The following NCKAP5 variants were observed in gnomAD, a reference collection of about 807,000 sequenced individuals.
NCKAP5 encodes NCK associated protein 5, also known as nck-associated protein 5.
Under a neutral mutation model 167.0 loss-of-function variants are expected in NCKAP5, and 92 were observed. The observed-to-expected ratio is 0.55, with a 90% CI of 0.47 to 0.66. The LOEUF (loss-of-function observed/expected upper bound fraction) is 0.66, where lower values mean the gene tolerates loss of function less well. Ranked by LOEUF, NCKAP5 falls within the 30% of genes least tolerant of loss-of-function variation. The probability of loss-of-function intolerance (pLI) is 0.00; values close to 1 mark genes in which losing one functional copy is unlikely to be tolerated. For missense variants in NCKAP5, 2,378 were observed against 2,315.0 expected (o/e 1.03, Z -0.56); for synonymous variants, 891 against 877.4 (o/e 1.02, Z -0.27).
At position 133,457,481 on chromosome 2, in the gene NCKAP5, A is replaced by G. The variant is rs149478513; in HGVS notation, c.69+59977T>C. ...ATGGCAATGCAGCCTTAATCTGCAT[A>G]TTTCAAAATAGGATGCTTTTAAAAG... On this transcript the variant is annotated intron_variant, in intron 3 of 19. Transcript: ENST00000409261. 2.0e-3 allele frequency among the ~76,000 whole-genome samples: 310 copies of G among 152,300 alleles called. 3 individuals are homozygous for G. The highest frequency in any genetic ancestry group is 4.6e-3 in the South Asian group (22 of 4,818).
chr2:133,495,240 C>T (rs1482450464), intron 3 of NCKAP5, among the ~76,000 whole-genome samples: 1 of 152,096 alleles, frequency 6.6e-6, no homozygotes, highest in Non-Finnish European at 1.5e-5. Context: ...ACCATTTGGG[C>T]CCATGTTCTC....
At chr2:133,263,567 C>G (rs960056611) in intron 4 of NCKAP5, among the ~76,000 whole-genome samples, 1 of 152,026 alleles carries the variant, frequency 6.6e-6, no homozygotes, top group African/African-American at 2.4e-5. Context: ...AAATTTATGA[C>G]TATCAGCTAG....
chr2:133,401,151 C>G (rs1688071427), intron 3 of NCKAP5, among the ~76,000 whole-genome samples: 1 of 152,112 alleles, frequency 6.6e-6, no homozygotes, highest in Non-Finnish European at 1.5e-5. Flanking sequence ...AACAGAACGT[C>G]CACAAAAAAT....
intron 4 of NCKAP5, among the ~76,000 whole-genome samples, chr2:133,246,549 A>G (rs1333646512): frequency 6.6e-6 from 1 of 152,206 alleles, no homozygotes; most frequent in Non-Finnish European, 1.5e-5. Context: ...TGGGTAAGAC[A>G]TGGTGTGGGC....
intron 5 of NCKAP5, among the ~76,000 whole-genome samples, chr2:133,160,829 T>G (rs1268069117): frequency 6.6e-6 from 1 of 152,166 alleles, no homozygotes; most frequent in Non-Finnish European, 1.5e-5. Context: ...TGATAATCTA[T>G]TTCTAGGGAG....
intron 2 of NCKAP5, among the ~76,000 whole-genome samples, chr2:133,549,769 G>A (rs1308995019): frequency 1.3e-5 from 2 of 149,302 alleles, no homozygotes; most frequent in Non-Finnish European, 3.0e-5. Flanking sequence ...AGGAAATAGA[G>A]ACACAAAAAA....
chr2:133,295,685 G>C (rs1679910334), intron 4 of NCKAP5, among the ~76,000 whole-genome samples: 1 of 152,122 alleles, frequency 6.6e-6, no homozygotes, highest in African/African-American at 2.4e-5. Context: ...GGATACTACT[G>C]GCAGGTGGTG....
At chr2:133,269,539 C>G (rs568333829) in intron 4 of NCKAP5, among the ~76,000 whole-genome samples, 12 of 152,260 alleles carry the variant, frequency 7.9e-5, no homozygotes, top group African/African-American at 2.9e-4. Context: ...AATATGATTG[C>G]ACCTGGCAAG....
In NCKAP5 at chr2:132,785,992, C is replaced by T. The variant is rs181408043; in HGVS notation, c.1093-274G>A. ...ATCCCAGTGGGGAGAGGAGAATTGG[C>T]CACAACTAACTGTATGTCAAGGGAG... On this transcript the variant is annotated intron_variant, in intron 13 of 19. Coordinates refer to ENST00000409261, the MANE Select transcript of NCKAP5 (RefSeq NM_207363.3). 4.6e-5 allele frequency among the ~76,000 whole-genome samples: 7 copies of T among 152,296 alleles called. No individual in the cohort carries two copies. The East Asian group carries it at 7.7e-4, about 17-fold the overall frequency.
At chr2:133,648,538 C>T in the NCKAP5 span, among the ~76,000 whole-genome samples, 128 of 152,152 alleles carry the variant, frequency 8.4e-4, no homozygotes, top group African/African-American at 3.0e-3. Context: ...TTTATATAGA[C>T]TGAAGTCATA....
the NCKAP5 span, among the ~76,000 whole-genome samples, chr2:133,605,346 A>G: frequency 1.3e-5 from 2 of 152,096 alleles, no homozygotes; most frequent in East Asian, 3.9e-4. Flanking sequence ...AGGTAGGGAT[A>G]TTTGTGTGGT....
intron 2 of NCKAP5, among the ~76,000 whole-genome samples, chr2:133,538,463 C>T (rs1685925113): frequency 6.6e-6 from 1 of 151,942 alleles, no homozygotes; most frequent in African/African-American, 2.4e-5. Context: ...AAGTAAAAAT[C>T]TTCCATAAAA....
At position 132,783,053 on chromosome 2, in the gene NCKAP5, C is replaced by G; in HGVS notation, c.3758G>C (p.Arg1253Thr). Reference sequence around the variant, plus strand: ...GTGTGGTTTGCTGGAGGAAAGGGATCTTCTCATGGATCTATTATCTACCCC... The same window carrying G: ...GTGTGGTTTGCTGGAGGAAAGGGATGTTCTCATGGATCTATTATCTACCCC... The part of the protein sequence containing the change: ...RDGVDNRSMR[R>T]SLSSSKPHLK... The change falls in exon 14 of 20, where the codon AGA (arginine) becomes ACA (threonine). Residue 1253 changes from arginine (R) to threonine (T), a missense_variant. Physicochemically the swap from Arg to Thr is moderately conservative, Grantham distance 71. Transcript: ENST00000409261. 6.2e-7 allele frequency: 1 copy of G among 1,613,826 alleles called. No individual in the cohort carries two copies. The highest frequency in any genetic ancestry group is 8.5e-7 in the Non-Finnish European group (1 of 1,179,846).
At chr2:133,240,298 AAT>A (rs2087622635) in intron 4 of NCKAP5, among the ~76,000 whole-genome samples, 1 of 152,244 alleles carries the variant, frequency 6.6e-6, no homozygotes, top group Admixed American at 6.5e-5. Flanking sequence ...TGGAGATAAA[AAT>A]ATATGCATTT....
intron 4 of NCKAP5, among the ~76,000 whole-genome samples, chr2:133,274,696 G>A (rs2089655881): frequency 6.6e-6 from 1 of 151,896 alleles, no homozygotes; most frequent in Non-Finnish European, 1.5e-5. Context: ...TATGGACTCA[G>A]GGTATATGAA....
the NCKAP5 span, among the ~76,000 whole-genome samples, chr2:133,632,621 C>A: frequency 6.6e-6 from 1 of 152,168 alleles, no homozygotes; most frequent in Non-Finnish European, 1.5e-5. Context: ...TGTGAAGTAC[C>A]CCTCCTGGTG....
At chr2:133,619,371 C>T in the NCKAP5 span, among the ~76,000 whole-genome samples, 374 of 151,090 alleles carry the variant, frequency 2.5e-3, 7 homozygotes, top group East Asian at 0.062. Flanking sequence ...AATACTTCAG[C>T]GAAACAGAAA....
At chr2:133,016,665 C>A (rs1029022943) in intron 6 of NCKAP5, among the ~76,000 whole-genome samples, 4 of 152,114 alleles carry the variant, frequency 2.6e-5, no homozygotes, top group African/African-American at 7.2e-5. Flanking sequence ...TTCCTAGCAA[C>A]ATTCAGTGTA....
chr2:132,856,987 C>T lies in NCKAP5; in HGVS notation c.807+3505G>A, dbSNP rs909247928. On this transcript the variant is annotated intron_variant, in intron 11 of 19. Coordinates refer to ENST00000409261, the MANE Select transcript of NCKAP5 (RefSeq NM_207363.3). ...TGCCAAAGTATCCCCATTGGTAAAA[C>T]GGGTGCAATGATAGGTCCTACCCCA... Among the ~76,000 whole-genome samples, 38 of 152,230 alleles carry T rather than the reference C, an allele frequency of 2.5e-4. 1 individual carries two copies. Among genetic ancestry groups the T allele is most frequent in the Admixed American group, 2.4e-3 (36 of 15,288 alleles).
Sources: gnomAD v4.1 joint callset for allele counts (sites outside exome capture counted in the v4.1 genomes callset) on GRCh38, gnomAD v4.1.1 for gene constraint, MANE v1.5 for transcripts, NCBI Gene and HGNC (gene_info 2026-07-23, HGNC 2026-07-21) for gene names.